The following FSTL5 variants were observed in gnomAD, a reference collection of about 807,000 sequenced individuals.
The protein encoded by FSTL5 is follistatin like 5.
In FSTL5, 62 loss-of-function variants were observed where a neutral mutation model predicts 89.1. That is an observed-to-expected ratio of 0.70 (90% CI 0.57 to 0.86). The LOEUF (loss-of-function observed/expected upper bound fraction) is 0.86, where lower values mean the gene tolerates loss of function less well. Ranked by LOEUF, FSTL5 falls within the 40% of genes least tolerant of loss-of-function variation. The pLI is 0.00. For missense variants in FSTL5, 1,057 were observed against 1,001.6 expected (o/e 1.06, Z -0.75); for synonymous variants, 383 against 346.2 (o/e 1.11, Z -1.18).
chr4:161,924,494 G>T (rs1420609893), intron 3 of FSTL5, among the ~76,000 whole-genome samples: 1 of 151,462 alleles, frequency 6.6e-6, no homozygotes, highest in Non-Finnish European at 1.5e-5. Context: ...TGGTATATTG[G>T]TTGGTATATG....
chr4:161,838,985 A>G (rs1214320865), intron 4 of FSTL5, among the ~76,000 whole-genome samples: 1 of 152,100 alleles, frequency 6.6e-6, no homozygotes, highest in Non-Finnish European at 1.5e-5. Flanking sequence ...AAAAAATAAA[A>G]GCAAAATGAG....
At chr4:161,705,932 A>G (rs1343385676) in intron 6 of FSTL5, among the ~76,000 whole-genome samples, 1 of 108,770 alleles carries the variant, frequency 9.2e-6, no homozygotes, top group African/African-American at 3.3e-5. Context: ...ATACATATGC[A>G]TGTGTGTGTG....
At chr4:161,662,230 T>A (rs907094101) in intron 6 of FSTL5, among the ~76,000 whole-genome samples, 2 of 152,204 alleles carry the variant, frequency 1.3e-5, no homozygotes, top group Non-Finnish European at 2.9e-5. Flanking sequence ...ATCATTATAT[T>A]CATCCAATCC....
intron 1 of FSTL5, among the ~76,000 whole-genome samples, chr4:162,159,516 AT>A (rs1243306499): frequency 6.6e-6 from 1 of 152,086 alleles, no homozygotes; most frequent in Non-Finnish European, 1.5e-5. Flanking sequence ...GCCACATTAA[AT>A]TAATATTAAT....
intron 8 of FSTL5, among the ~76,000 whole-genome samples, chr4:161,565,222 C>T (rs977625854): frequency 5.3e-5 from 5 of 94,940 alleles, no homozygotes; most frequent in Non-Finnish European, 1.1e-4. Context: ...ACATATCTTG[C>T]CTATCATCAT....
intron 13 of FSTL5, among the ~76,000 whole-genome samples, chr4:161,479,718 T>C (rs1347801459): frequency 6.6e-6 from 1 of 152,180 alleles, no homozygotes; most frequent in Non-Finnish European, 1.5e-5. Flanking sequence ...CTTAGGGTTT[T>C]CTATTAGAAT....
chr4:161,734,114 T>C (rs1739710549), intron 6 of FSTL5, among the ~76,000 whole-genome samples: 1 of 152,174 alleles, frequency 6.6e-6, no homozygotes, highest in Non-Finnish European at 1.5e-5. Flanking sequence ...TAAATAACGC[T>C]AATACAAAAG....
At chr4:161,503,273 C>G (rs1382128916) in intron 11 of FSTL5, among the ~76,000 whole-genome samples, 1 of 151,744 alleles carries the variant, frequency 6.6e-6, no homozygotes, top group Non-Finnish European at 1.5e-5. Flanking sequence ...TTGCAGGTAT[C>G]TATTCATTAT....
chr4:161,656,726 A>G (rs1578999593), intron 6 of FSTL5, among the ~76,000 whole-genome samples: 1 of 152,232 alleles, frequency 6.6e-6, no homozygotes, highest in Non-Finnish European at 1.5e-5. Context: ...CATGAAATGA[A>G]TATCAGAAGT....
chr4:161,497,657 T>C (rs988272284), intron 12 of FSTL5, among the ~76,000 whole-genome samples: 8 of 152,110 alleles, frequency 5.3e-5, no homozygotes, highest in Admixed American at 1.3e-4. Flanking sequence ...TCCTTGCATG[T>C]ATTTTTATGT....
chr4:161,663,362 C>T (rs1012627324), intron 6 of FSTL5, among the ~76,000 whole-genome samples: 2 of 152,242 alleles, frequency 1.3e-5, no homozygotes, highest in South Asian at 2.1e-4. Flanking sequence ...TTTCTAGATA[C>T]AATGTGGATG....
intron 6 of FSTL5, among the ~76,000 whole-genome samples, chr4:161,707,633 T>C (rs981993030): frequency 3.3e-5 from 5 of 151,936 alleles, no homozygotes; most frequent in African/African-American, 9.7e-5. Flanking sequence ...CTTGCTATTT[T>C]AGTATTATTC....
chr4:161,573,068 C>T (rs187861525), intron 8 of FSTL5, among the ~76,000 whole-genome samples: 4 of 152,264 alleles, frequency 2.6e-5, no homozygotes, highest in Admixed American at 2.6e-4. Context: ...GTAATTAGAT[C>T]TTATTGCATA....
At chr4:161,627,079 G>A (rs1343057202) in intron 7 of FSTL5, among the ~76,000 whole-genome samples, 2 of 152,170 alleles carry the variant, frequency 1.3e-5, no homozygotes, top group African/African-American at 4.8e-5. Flanking sequence ...TTGATAAAGG[G>A]TTTAAGATAA....
At chr4:161,871,119 A>G (rs1301564464) in intron 4 of FSTL5, among the ~76,000 whole-genome samples, 1 of 152,110 alleles carries the variant, frequency 6.6e-6, no homozygotes, top group Admixed American at 6.5e-5. Context: ...GTAATGCACA[A>G]TTGTTTAATT....
At chr4:161,948,466 G>T (rs1312112144) in intron 3 of FSTL5, among the ~76,000 whole-genome samples, 2 of 143,700 alleles carry the variant, frequency 1.4e-5, no homozygotes, top group Non-Finnish European at 3.0e-5. Context: ...TACATGAACG[G>T]AATTTTTTTC....
intron 2 of FSTL5, among the ~76,000 whole-genome samples, chr4:162,068,742 C>A (rs754429657): frequency 6.6e-6 from 1 of 151,740 alleles, no homozygotes; most frequent in Non-Finnish European, 1.5e-5. Flanking sequence ...GCAAAAGAAA[C>A]CCTCATCAGG....
chr4:161,928,781 T>C (rs574906018), intron 3 of FSTL5, among the ~76,000 whole-genome samples: 2 of 151,946 alleles, frequency 1.3e-5, no homozygotes, highest in South Asian at 4.1e-4. Flanking sequence ...AGAATTTGTA[T>C]ATTTTGTGTA....
chr4:161,497,367 A>G lies in FSTL5; in HGVS notation c.1458+2649T>C, dbSNP rs185120109. ...TTTCTCCATATATTCTGTATTTAAA[A>G]ATCATAAGCGGAAATTAGTTATAAC... is the stretch of plus-strand genomic sequence containing the variant. On this transcript the variant is annotated intron_variant, in intron 12 of 15. Transcript: ENST00000306100. Among the ~76,000 whole-genome samples the G allele has an allele frequency of 5.1e-3, 775 of 152,172 alleles. 12 individuals are homozygous for G. Among genetic ancestry groups the G allele is most frequent in the African/African-American group, 0.018 (748 of 41,556 alleles).
Sources: gnomAD v4.1 joint callset for allele counts (sites outside exome capture counted in the v4.1 genomes callset) on GRCh38, gnomAD v4.1.1 for gene constraint, MANE v1.5 for transcripts, NCBI Gene and HGNC (gene_info 2026-07-23, HGNC 2026-07-21) for gene names.